The following CDK13 variants were observed in gnomAD, a reference collection of about 807,000 sequenced individuals.
CDK13 encodes the protein cyclin-dependent kinase 13.
CDK13 carries 40 observed loss-of-function variants against 137.6 expected under a neutral mutation model. The ratio of observed to expected loss-of-function variants is 0.29; its 90% confidence interval spans 0.23 to 0.38. The LOEUF (loss-of-function observed/expected upper bound fraction) is 0.38, where lower values mean the gene tolerates loss of function less well. Ranked by LOEUF, CDK13 falls within the 10% of genes least tolerant of loss-of-function variation. The pLI is 1.00. For missense variants in CDK13, 1,704 were observed against 1,951.8 expected (o/e 0.87, Z 2.39); for synonymous variants, 869 against 760.1 (o/e 1.14, Z -2.36).
chr7:40,031,746 A>C (rs557244768), intron 5 of CDK13, among the ~76,000 whole-genome samples: 45 of 151,680 alleles, frequency 3.0e-4, no homozygotes, highest in Middle Eastern at 3.4e-3. Context: ...CCCAGTCTCA[A>C]GTGATCCTCC....
chr7:39,992,447 C>T (rs922646949), intron 2 of CDK13, among the ~76,000 whole-genome samples: 13 of 151,974 alleles, frequency 8.6e-5, no homozygotes, highest in Non-Finnish European at 1.6e-4. Flanking sequence ...CCTCCTGCCT[C>T]GGCCTCCCAA....
intron 5 of CDK13, among the ~76,000 whole-genome samples, chr7:40,009,114 C>G (rs1205154272): frequency 6.6e-6 from 1 of 151,964 alleles, no homozygotes; most frequent in East Asian, 1.9e-4. Flanking sequence ...ATAAGATGAC[C>G]CAGATAATGT....
At chr7:40,024,493 C>T (rs1294217116) in intron 5 of CDK13, among the ~76,000 whole-genome samples, 1 of 152,040 alleles carries the variant, frequency 6.6e-6, no homozygotes, top group Non-Finnish European at 1.5e-5. Flanking sequence ...ACTTGGCCAG[C>T]GTTTATTATG....
In CDK13 at chr7:40,093,179, G is replaced by A. The variant is rs534367980; in HGVS notation, c.3630G>A (p.Ser1210=). The change falls in exon 13 of 14, where the codon TCG becomes TCA. Residue 1210 remains serine (S), a synonymous_variant. Transcript: ENST00000181839. The part of the protein sequence containing the change: ...DVLLEERENG[S]GHEASLQLRP... Reference sequence around the variant, plus strand: ...TACTAGAAGAGAGGGAAAATGGATCGGGACATGAAGCGTCATTACAACTCA... The same window carrying A: ...TACTAGAAGAGAGGGAAAATGGATCAGGACATGAAGCGTCATTACAACTCA... The A allele has an allele frequency of 1.7e-5, 27 of 1,614,006 alleles. No homozygotes were observed. The East Asian group carries it at 2.2e-4, about 13-fold the overall frequency.
At chr7:40,000,102 G>C (rs1213057230) in intron 4 of CDK13, among the ~76,000 whole-genome samples, 1 of 151,322 alleles carries the variant, frequency 6.6e-6, no homozygotes, top group African/African-American at 2.4e-5. Flanking sequence ...TAGGCCGGGC[G>C]TGATTGCTCA....
intron 3 of CDK13, chr7:39,998,296 G>A (rs1037626350): frequency 6.6e-6 from 1 of 150,712 alleles, no homozygotes; most frequent in Non-Finnish European, 1.5e-5. Flanking sequence ...AGTGCCTAGT[G>A]TGTGAATTTG....
chr7:39,960,366 C>T lies in CDK13; in HGVS notation c.1211+8514C>T, dbSNP rs532825898. Among the ~76,000 whole-genome samples, 6 of 151,920 alleles carry T rather than the reference C, an allele frequency of 3.9e-5. No individual in the cohort carries two copies. In the East Asian group the frequency reaches 1.2e-3, roughly 30 times the overall value. On this transcript the variant is annotated intron_variant, in intron 1 of 13. Transcript: ENST00000181839. ...CGCTTCCCAGGTTCACACTATTCTC[C>T]TGCCTCAGCCTCGCGAGTAGCTGGG...
intron 5 of CDK13, among the ~76,000 whole-genome samples, chr7:40,033,802 G>T (rs1053002205): frequency 6.6e-6 from 1 of 152,178 alleles, no homozygotes; most frequent in Non-Finnish European, 1.5e-5. Context: ...TAGTGAACCT[G>T]TGTCCCTGGT....
At chr7:40,012,140 A>C (rs994292670) in intron 5 of CDK13, among the ~76,000 whole-genome samples, 1 of 151,904 alleles carries the variant, frequency 6.6e-6, no homozygotes, top group African/African-American at 2.4e-5. Flanking sequence ...CAACAACAAC[A>C]AAAAAAACCC....
chr7:40,053,487 A>G (rs1199880999), intron 7 of CDK13, among the ~76,000 whole-genome samples: 1 of 152,106 alleles, frequency 6.6e-6, no homozygotes, highest in Non-Finnish European at 1.5e-5. Context: ...GCAATGTTGA[A>G]CTATTTGTAG....
intron 5 of CDK13, among the ~76,000 whole-genome samples, chr7:40,012,807 G>A (rs1784923046): frequency 6.6e-6 from 1 of 151,856 alleles, no homozygotes; most frequent in Non-Finnish European, 1.5e-5. Context: ...AGCTACTTGG[G>A]AGGCTGAGGC....
At chr7:40,083,011 G>A (rs937043810) in intron 11 of CDK13, among the ~76,000 whole-genome samples, 2 of 151,322 alleles carry the variant, frequency 1.3e-5, no homozygotes, top group African/African-American at 2.4e-5. Context: ...GGTGAGGCAC[G>A]AGAATTGCTT....
In CDK13 at chr7:39,987,736, C is replaced by T. The variant is rs759172610; in HGVS notation, c.1349C>T (p.Ala450Val). 1.2e-5 allele frequency: 20 copies of T among 1,613,998 alleles called. No homozygotes were observed. In the African/African-American group the frequency reaches 1.9e-4, roughly 15 times the overall value. ...PSTLTLKSSLAAELNKNKKAR... is the reference protein window; with the variant it reads ...PSTLTLKSSLVAELNKNKKAR... ...ACACTAACTCTGAAGAGTAGCCTGG[C>T]AGCTGAATTGAACAAGAATAAAAAA... is the stretch of plus-strand genomic sequence containing the variant. Residue 450 changes from alanine to valine, a missense_variant, in exon 2 of 14, where the codon GCA becomes GTA. Coordinates refer to ENST00000181839, the MANE Select transcript of CDK13 (RefSeq NM_003718.5).
intron 11 of CDK13, among the ~76,000 whole-genome samples, chr7:40,082,834 C>T (rs1266986204): frequency 6.6e-6 from 1 of 151,396 alleles, no homozygotes. Context: ...GGTGCAGTGG[C>T]TCATGCCTGT....
At chr7:39,961,626 A>G (rs906055810) in intron 1 of CDK13, among the ~76,000 whole-genome samples, 5 of 129,592 alleles carry the variant, frequency 3.9e-5, no homozygotes, top group African/African-American at 1.7e-4. Flanking sequence ...AAATGACATA[A>G]TTTACTTCTT....
rs562087105 is a variant in CDK13, at chr7:40,079,355, G to T, written c.3029+504G>T. ...AATCGCTTGAACCCGCGAGGCGGAG[G>T]TTGCAGTGAGCCAAGATCATGGCAT... On this transcript the variant is annotated intron_variant, in intron 11 of 13. Transcript: ENST00000181839. Among the ~76,000 whole-genome samples the T allele has an allele frequency of 2.0e-5, 3 of 152,112 alleles. No individual in the cohort carries two copies. In the South Asian group the frequency reaches 6.2e-4, roughly 32 times the overall value.
intron 5 of CDK13, among the ~76,000 whole-genome samples, chr7:40,028,104 G>C (rs1194650237): frequency 1.3e-5 from 2 of 151,694 alleles, no homozygotes; most frequent in African/African-American, 2.4e-5. Flanking sequence ...GTTCAGTATG[G>C]TGTTAGAATG....
intron 4 of CDK13, among the ~76,000 whole-genome samples, chr7:40,001,650 C>T (rs1158285719): frequency 6.6e-6 from 1 of 152,098 alleles, no homozygotes; most frequent in Non-Finnish European, 1.5e-5. Context: ...ATAGTATTCC[C>T]TGGTTTATGT....
chr7:39,990,116 A>AT (rs1784428009), intron 2 of CDK13, among the ~76,000 whole-genome samples: 1 of 152,040 alleles, frequency 6.6e-6, no homozygotes, highest in Non-Finnish European at 1.5e-5. Flanking sequence ...TTAGGAGTAA[A>AT]TTTTTACTAG....
Sources: allele counts gnomAD v4.1 joint callset (sites outside exome capture counted in the v4.1 genomes callset), GRCh38; gene constraint gnomAD v4.1.1; transcripts MANE v1.5; gene names NCBI Gene and HGNC (gene_info 2026-07-23, HGNC 2026-07-21).